GRAMD4: variants seen among roughly 807,000 people sequenced by gnomAD.
GRAMD4 encodes GRAM domain containing 4.
Under a neutral mutation model 83.9 loss-of-function variants are expected in GRAMD4, and 25 were observed. That is an observed-to-expected ratio of 0.30 (90% CI 0.22 to 0.42). The LOEUF (loss-of-function observed/expected upper bound fraction) is 0.42, where lower values mean the gene tolerates loss of function less well. Among genes scored for constraint, GRAMD4 ranks in the 10% least tolerant of loss-of-function variants. GRAMD4 has a pLI of 1.00. For synonymous variants in GRAMD4, 336 were observed against 320.9 expected (o/e 1.05, Z -0.50); for missense variants, 593 against 788.7 (o/e 0.75, Z 2.97).
chr22:46,636,927 A>C (rs772892592), intron 2 of GRAMD4, among the ~76,000 whole-genome samples: 1 of 152,204 alleles, frequency 6.6e-6, no homozygotes, highest in Non-Finnish European at 1.5e-5. Flanking sequence ...TGGAGCAGAC[A>C]GGATGACGAG....
Position 46,679,191 on chromosome 22 carries a change from G to A in GRAMD4, c.*1940G>A. On this transcript the variant is annotated 3_prime_UTR_variant, in exon 19 of 19. Coordinates refer to ENST00000406902, the MANE Select transcript of GRAMD4 (RefSeq NM_015124.5). Reference sequence around the variant, plus strand: ...CCAAGGATGGGTCCGGGGCCTCGGGGCCAATGAGCGCCTCTTCCTAGGTGC... The same window carrying A: ...CCAAGGATGGGTCCGGGGCCTCGGGACCAATGAGCGCCTCTTCCTAGGTGC... 1.0e-6 allele frequency: 1 copy of A among 985,536 alleles called. No individual in the cohort carries two copies. The highest frequency in any genetic ancestry group is 1.2e-6 in the Non-Finnish European group (1 of 829,986). The allele number at this position is 985,536 out of a possible 1,614,324, so 61.0% of individuals were successfully genotyped here.
At chr22:46,643,174 T>TG (rs2082010372) in intron 3 of GRAMD4, among the ~76,000 whole-genome samples, 1 of 147,752 alleles carries the variant, frequency 6.8e-6, no homozygotes, top group Non-Finnish European at 1.5e-5. Flanking sequence ...CATCCATCCA[T>TG]CCATCCATCC....
intron 1 of GRAMD4, among the ~76,000 whole-genome samples, chr22:46,605,824 A>G (rs1232408301): frequency 7.1e-6 from 1 of 140,710 alleles, no homozygotes; most frequent in Non-Finnish European, 1.5e-5. Context: ...GCATGGGTTT[A>G]TGGCCGGTGC....
At chr22:46,675,603 G>A in intron 17 of GRAMD4, 51 bp downstream of exon 17, 11 of 1,189,488 alleles carry the variant, frequency 9.2e-6, no homozygotes, top group Non-Finnish European at 1.4e-5. Flanking sequence ...TTCGTCACCT[G>A]ACAGAGGCTG....
intron 1 of GRAMD4, among the ~76,000 whole-genome samples, chr22:46,586,954 A>T (rs1420258944): frequency 1.3e-5 from 2 of 151,914 alleles, no homozygotes; most frequent in East Asian, 3.9e-4. Context: ...CAACACCCAC[A>T]CCCCGTCTGT....
At chr22:46,603,515 C>CTTTTTTTTTTTTTTTTTTTTTTTT (rs71192425) in intron 1 of GRAMD4, among the ~76,000 whole-genome samples, 1 of 81,590 alleles carries the variant, frequency 1.2e-5, no homozygotes, top group African/African-American at 4.4e-5. Context: ...GGCCTCTTCT[C>CTTTTTTTTTTTTTTTTTTTTTTTT]TTTTTTTTTT....
rs989751161 is a variant in GRAMD4 at position 46,672,395 on chromosome 22, A to C, written c.1085-448A>C. ...GCGTGGGGGGGCACCCAGTTGAAGA[A>C]GGGCAGGTGGGAGGGGGTTTGGGGA... On this transcript the variant is annotated intron_variant, in intron 13 of 18. Transcript: ENST00000406902. The surrounding 1 kb of genome is among the most constrained non-coding windows in gnomAD (Gnocchi z 4.7). Among the ~76,000 whole-genome samples, 4 of 140,636 alleles carry C rather than the reference A, an allele frequency of 2.8e-5. No individual in the cohort carries two copies. The highest frequency in any genetic ancestry group is 4.6e-4 in the South Asian group (2 of 4,306). 92.3% of individuals were successfully genotyped at this position (140,636 alleles called of 152,430 possible). A position where few individuals can be genotyped will look rare whatever the true frequency, so the allele number is the denominator to read the frequency against.
rs1265451351 is a variant in GRAMD4 at position 46,679,243 on chromosome 22, G to A, written c.*1992G>A. On this transcript the variant is annotated 3_prime_UTR_variant, in exon 19 of 19. Transcript: ENST00000406902. ...GGGATTCAGTCCCCAAACACAGCGG[G>A]AGGGGTCCCTGGGGCAGATGGGGCT... 3.0e-6 allele frequency: 3 copies of A among 985,570 alleles called. No homozygotes were observed. The highest frequency in any genetic ancestry group is 3.6e-6 in the Non-Finnish European group (3 of 829,990). The allele number at this position is 985,570 out of a possible 1,614,324, so 61.1% of individuals were successfully genotyped here.
At chr22:46,642,964 TATCCATCCATCC>T (rs753919146) in intron 3 of GRAMD4, among the ~76,000 whole-genome samples, 42 of 136,270 alleles carry the variant, frequency 3.1e-4, no homozygotes, top group East Asian at 9.3e-4. Flanking sequence ...CGCATGCATC[TATCCATCCATCC>T]ATCCATCCAT....
At chr22:46,644,515 C>G (rs1464842061) in intron 3 of GRAMD4, among the ~76,000 whole-genome samples, 1 of 151,938 alleles carries the variant, frequency 6.6e-6, no homozygotes, top group Non-Finnish European at 1.5e-5. Flanking sequence ...TACACCTGCC[C>G]CTGTTCCGTG....
chr22:46,596,827 A>T (rs964143302), intron 1 of GRAMD4, among the ~76,000 whole-genome samples: 2 of 152,222 alleles, frequency 1.3e-5, no homozygotes, highest in African/African-American at 4.8e-5. Context: ...CTGCAATTAC[A>T]GGTGTGAGCC....
At chr22:46,681,945 C>T (rs369242173), downstream of GRAMD4, among the ~76,000 whole-genome samples, 3 of 152,204 alleles carry the variant, frequency 2.0e-5, no homozygotes, top group African/African-American at 7.2e-5. Context: ...ACAGGGTTGG[C>T]CAGAGACTAC....
At chr22:46,638,028 T>A in intron 3 of GRAMD4, 68 bp downstream of exon 3, 1 of 1,541,628 alleles carries the variant, frequency 6.5e-7, no homozygotes, top group Non-Finnish European at 8.9e-7. Flanking sequence ...ATGGGGGATG[T>A]CGTCTTGCCC....
rs932035342 is a variant in GRAMD4 at position 46,622,899 on chromosome 22, A to G, written c.-50+2334A>G. Among the ~76,000 whole-genome samples, 59 of 149,778 alleles carry G rather than the reference A, an allele frequency of 3.9e-4. No homozygotes were observed. Among genetic ancestry groups the G allele is most frequent in the East Asian group, 9.9e-4 (5 of 5,042 alleles). ...TGCACTCCAGCCTGGGCGACAGAGC[A>G]AGACTCCATCTCTAAAAAAAAAAAA... is the stretch of plus-strand genomic sequence containing the variant. On this transcript the variant is annotated intron_variant, in intron 1 of 18. Coordinates refer to ENST00000406902, the MANE Select transcript of GRAMD4 (RefSeq NM_015124.5). This position sits in a 1 kb window ranked among gnomAD's most constrained non-coding sequence, Gnocchi z 4.0.
chr22:46,673,195 C>T (rs2082539956), intron 14 of GRAMD4, among the ~76,000 whole-genome samples, 198 bp downstream of exon 14: 1 of 152,210 alleles, frequency 6.6e-6, no homozygotes, highest in Non-Finnish European at 1.5e-5. Flanking sequence ...CTCCCAAGCC[C>T]AGGGCAACAC....
chr22:46,582,477 C>T (rs2081108025), intron 1 of GRAMD4, among the ~76,000 whole-genome samples: 1 of 152,152 alleles, frequency 6.6e-6, no homozygotes, highest in South Asian at 2.1e-4. Context: ...TGTCACTGCT[C>T]TCCTCTTCCT....
intron 2 of GRAMD4, among the ~76,000 whole-genome samples, chr22:46,629,856 C>T (rs1271140415): frequency 6.6e-6 from 1 of 152,192 alleles, no homozygotes; most frequent in Non-Finnish European, 1.5e-5. Context: ...TGCTTTCTGT[C>T]GATGGATTTG....
chr22:46,613,248 CCT>C (rs2081435306), intron 1 of GRAMD4, among the ~76,000 whole-genome samples: 2 of 152,128 alleles, frequency 1.3e-5, no homozygotes, highest in South Asian at 4.1e-4. Flanking sequence ...AGCAGGGGCC[CCT>C]GTCCGAGGTC....
chr22:46,657,530 C>G (rs1048862146), intron 3 of GRAMD4, among the ~76,000 whole-genome samples: 1 of 152,234 alleles, frequency 6.6e-6, no homozygotes, highest in Non-Finnish European at 1.5e-5. Context: ...CTTCCAGTCT[C>G]TCCGACCTCT....
Sources: gnomAD v4.1 joint callset for allele counts (sites outside exome capture counted in the v4.1 genomes callset) on GRCh38, gnomAD v4.1.1 for gene constraint, Gnocchi (gnomAD v3.1) non-coding constraint, MANE v1.5 for transcripts, NCBI Gene and HGNC (gene_info 2026-07-23, HGNC 2026-07-21) for gene names.